The following NTNG1 variants were observed in gnomAD, a reference collection of about 807,000 sequenced individuals.
The protein encoded by NTNG1 is netrin-G1.
NTNG1 carries 16 observed loss-of-function variants against 54.0 expected under a neutral mutation model. That is an observed-to-expected ratio of 0.30 (90% CI 0.20 to 0.45). The LOEUF is 0.45. Among genes scored for constraint, NTNG1 ranks in the 20% least tolerant of loss-of-function variants. NTNG1 has a pLI of 1.00. For synonymous variants in NTNG1, 255 were observed against 263.1 expected, an observed-to-expected ratio of 0.97 and a Z score of 0.30; for missense variants, 530 against 678.7, an observed-to-expected ratio of 0.78 and a Z score of 2.43.
At chr1:107,233,872 G>A (rs1371790349) in intron 2 of NTNG1, among the ~76,000 whole-genome samples, 1 of 152,024 alleles carries the variant, frequency 6.6e-6, no homozygotes, top group Non-Finnish European at 1.5e-5. Flanking sequence ...CCTATCTCAT[G>A]TTCCTGTCTT....
chr1:107,365,934 T>C (rs576730635), intron 3 of NTNG1, among the ~76,000 whole-genome samples: 54 of 152,326 alleles, frequency 3.5e-4, no homozygotes, highest in Admixed American at 2.0e-3. Context: ...GAAACTCAAT[T>C]TTCTTTCAGT....
chr1:107,362,528 C>G (rs1204960370), intron 3 of NTNG1, among the ~76,000 whole-genome samples: 1 of 152,130 alleles, frequency 6.6e-6, no homozygotes, highest in Non-Finnish European at 1.5e-5. Context: ...GTGCATTATT[C>G]CAGCACAAAT....
At chr1:107,287,727 G>A (rs1202886834) in intron 2 of NTNG1, among the ~76,000 whole-genome samples, 1 of 152,176 alleles carries the variant, frequency 6.6e-6, no homozygotes, top group Non-Finnish European at 1.5e-5. Context: ...GTAATGGTTA[G>A]GAGCAGAGAT....
intron 2 of NTNG1, among the ~76,000 whole-genome samples, chr1:107,272,576 A>C (rs1215330037): frequency 1.3e-5 from 2 of 152,132 alleles, no homozygotes; most frequent in Non-Finnish European, 2.9e-5. Context: ...AAGGTTATTT[A>C]TGTGCTCAGC....
intron 2 of NTNG1, among the ~76,000 whole-genome samples, chr1:107,268,114 A>C (rs1663876344): frequency 6.6e-6 from 1 of 152,232 alleles, no homozygotes; most frequent in Admixed American, 6.5e-5. Context: ...GATATGTAAA[A>C]ATACATCCCA....
intron 2 of NTNG1, among the ~76,000 whole-genome samples, chr1:107,234,273 A>G (rs1484563079): frequency 6.6e-6 from 1 of 151,924 alleles, no homozygotes; most frequent in African/African-American, 2.4e-5. Flanking sequence ...CAGATACCTG[A>G]CACCAGGCCC....
intron 2 of NTNG1, among the ~76,000 whole-genome samples, chr1:107,272,117 A>C (rs1463944223): frequency 6.6e-6 from 1 of 152,166 alleles, no homozygotes; most frequent in Non-Finnish European, 1.5e-5. Context: ...TTTATCGAGC[A>C]CCTCGTTGTG....
intron 7 of NTNG1, among the ~76,000 whole-genome samples, chr1:107,455,355 C>T (rs968684310): frequency 3.3e-5 from 5 of 152,334 alleles, no homozygotes; most frequent in Non-Finnish European, 4.4e-5. Context: ...TGAGCCACCA[C>T]GCCCAGCCCA....
At chr1:107,255,596 T>C (rs1275687287) in intron 2 of NTNG1, among the ~76,000 whole-genome samples, 1 of 152,252 alleles carries the variant, frequency 6.6e-6, no homozygotes, top group East Asian at 1.9e-4. Flanking sequence ...ACTGCCCTTT[T>C]GTCTCTTTGA....
At chr1:107,427,687 GAATC>G (rs1382332546) in intron 5 of NTNG1, among the ~76,000 whole-genome samples, 3 of 151,960 alleles carry the variant, frequency 2.0e-5, no homozygotes, top group Non-Finnish European at 4.4e-5. Flanking sequence ...AGTCTTAAAA[GAATC>G]AAGTTATTAT....
At chr1:107,475,643 A>G (rs1267765686) in intron 7 of NTNG1, among the ~76,000 whole-genome samples, 1 of 152,238 alleles carries the variant, frequency 6.6e-6, no homozygotes, top group Non-Finnish European at 1.5e-5. Flanking sequence ...TCTAGAAATG[A>G]CAAAGTTTCT....
At chr1:107,292,587 G>A (rs938413139) in intron 2 of NTNG1, among the ~76,000 whole-genome samples, 12 of 152,118 alleles carry the variant, frequency 7.9e-5, no homozygotes, top group Admixed American at 7.2e-4. Context: ...TTCCCAATAA[G>A]ATCTCGGGAG....
At chr1:107,166,464 G>A (rs1218088639) in intron 2 of NTNG1, among the ~76,000 whole-genome samples, 1 of 152,096 alleles carries the variant, frequency 6.6e-6, no homozygotes, top group Non-Finnish European at 1.5e-5. Flanking sequence ...TAATGTAGGT[G>A]AAGGTACTTT....
intron 2 of NTNG1, among the ~76,000 whole-genome samples, chr1:107,252,835 A>G (rs1662695763): frequency 6.6e-6 from 1 of 152,186 alleles, no homozygotes; most frequent in Non-Finnish European, 1.5e-5. Flanking sequence ...GCTTTATCTG[A>G]TTCAAAGATA....
intron 2 of NTNG1, among the ~76,000 whole-genome samples, chr1:107,268,259 C>T (rs1663885053): frequency 6.6e-6 from 1 of 152,154 alleles, no homozygotes; most frequent in Admixed American, 6.5e-5. Flanking sequence ...TCTTTTACTT[C>T]CATTCCTTTC....
intron 3 of NTNG1, among the ~76,000 whole-genome samples, chr1:107,335,671 T>G (rs1430734037): frequency 6.6e-6 from 1 of 151,946 alleles, no homozygotes; most frequent in Non-Finnish European, 1.5e-5. Flanking sequence ...TTTTCTATTT[T>G]TTTTCATTTT....
chr1:107,455,062 ATTT>A (rs111552271), intron 7 of NTNG1, among the ~76,000 whole-genome samples: 1 of 139,470 alleles, frequency 7.2e-6, no homozygotes, highest in African/African-American at 2.6e-5. Flanking sequence ...CATGGTGACT[ATTT>A]TTTTTTTTTT....
chr1:107,161,905 T>C (rs1321446293), intron 2 of NTNG1, among the ~76,000 whole-genome samples: 1 of 151,420 alleles, frequency 6.6e-6, no homozygotes, highest in Admixed American at 6.6e-5. Flanking sequence ...CACATACTTT[T>C]GATTTTGGAT....
chr1:107,332,498 C>T (rs1308533580), intron 3 of NTNG1, among the ~76,000 whole-genome samples: 1 of 152,094 alleles, frequency 6.6e-6, no homozygotes, highest in Non-Finnish European at 1.5e-5. Flanking sequence ...AGTACACCAG[C>T]TTCTGCAGCC....
Sources: allele counts gnomAD v4.1 joint callset (sites outside exome capture counted in the v4.1 genomes callset), GRCh38; gene constraint gnomAD v4.1.1; transcripts MANE v1.5; gene names NCBI Gene and HGNC (gene_info 2026-07-23, HGNC 2026-07-21).